The following CPED1 variants were observed in gnomAD, a reference collection of about 807,000 sequenced individuals.
CPED1 encodes the protein cadherin-like and PC-esterase domain-containing protein 1.
In CPED1, 114 loss-of-function variants were observed where a neutral mutation model predicts 128.2. The ratio of observed to expected loss-of-function variants is 0.89; its 90% CI spans 0.76 to 1.04. The LOEUF (loss-of-function observed/expected upper bound fraction) is 1.04, where lower values mean the gene tolerates loss of function less well. CPED1 is among the 50% of genes least tolerant of loss of function. The probability of loss-of-function intolerance (pLI) is 0.00; values close to 1 mark genes in which losing one functional copy is unlikely to be tolerated. For synonymous variants in CPED1, 462 were observed against 426.7 expected (o/e 1.08, Z -1.02); for missense variants, 1,211 against 1,207.1 (o/e 1.00, Z -0.05).
chr7:121,224,136 C>G (rs1473765575), intron 16 of CPED1, among the ~76,000 whole-genome samples: 1 of 152,128 alleles, frequency 6.6e-6, no homozygotes, highest in Non-Finnish European at 1.5e-5. Context: ...TTAAATGTGT[C>G]CCAGTGATTC....
chr7:121,208,033 C>T (rs980426244), intron 16 of CPED1, among the ~76,000 whole-genome samples: 1 of 152,006 alleles, frequency 6.6e-6, no homozygotes, highest in Non-Finnish European at 1.5e-5. Flanking sequence ...CACTTTCCTA[C>T]CTCTAGACTC....
intron 16 of CPED1, among the ~76,000 whole-genome samples, chr7:121,211,363 G>C (rs1410889902): frequency 6.6e-6 from 1 of 152,088 alleles, no homozygotes; most frequent in East Asian, 1.9e-4. Flanking sequence ...ATCCATTTTG[G>C]TTTTGACCTG....
At chr7:121,122,974 T>C (rs1465343594) in intron 7 of CPED1, among the ~76,000 whole-genome samples, 1 of 152,126 alleles carries the variant, frequency 6.6e-6, no homozygotes, top group Non-Finnish European at 1.5e-5. Context: ...AATGCAACAA[T>C]GTCACACACA....
intron 14 of CPED1, among the ~76,000 whole-genome samples, chr7:121,139,749 A>G (rs1795859747): frequency 6.6e-6 from 1 of 152,074 alleles, no homozygotes. Context: ...ACGTAAAAGC[A>G]GGGGAAAAAA....
At chr7:121,074,318 T>G (rs78064527) in intron 5 of CPED1, among the ~76,000 whole-genome samples, 1,753 of 152,190 alleles carry the variant, frequency 0.012, 32 homozygotes, top group African/African-American at 0.04. Flanking sequence ...TGTCCAGGCC[T>G]TGTTGTATAG....
In CPED1 at chr7:121,168,386, A is replaced by G. The variant is rs569113228; in HGVS notation, c.2055+26245A>G. On this transcript the variant is annotated intron_variant, in intron 16 of 22. Coordinates refer to ENST00000310396, the MANE Select transcript of CPED1 (RefSeq NM_024913.5). Reference sequence around the variant, plus strand: ...GAATCAAGACTTTGTATTCTCTTAAATATCACTTTTAACATATAATTTTAT... The same window carrying G: ...GAATCAAGACTTTGTATTCTCTTAAGTATCACTTTTAACATATAATTTTAT... 7.2e-4 allele frequency among the ~76,000 whole-genome samples: 110 copies of G among 152,366 alleles called. 1 individual carries two copies. Among genetic ancestry groups the G allele is most frequent in the African/African-American group, 2.5e-3 (103 of 41,586 alleles).
At chr7:121,247,951 G>A (rs1189754072) in intron 18 of CPED1, among the ~76,000 whole-genome samples, 1 of 152,200 alleles carries the variant, frequency 6.6e-6, no homozygotes, top group East Asian at 1.9e-4. Context: ...ACCCTGCCTG[G>A]CTTCTCTGCA....
Position 121,142,024 on chromosome 7 carries a change from T to C in CPED1, c.1938T>C (p.Val646=), listed in dbSNP as rs138199492. The change falls in exon 16 of 23, where the codon GTT becomes GTC. Residue 646 remains valine (V), a synonymous_variant. Coordinates refer to ENST00000310396, the MANE Select transcript of CPED1 (RefSeq NM_024913.5). The part of the protein sequence containing the change: ...GLGMNKISIF[V]VDESPAHGET... ...GAATGAACAAAATCTCAATATTTGT[T>C]GTGGATGAATCTCCAGCACACGGTG... is the stretch of plus-strand genomic sequence containing the variant. 31 of 1,612,662 alleles carry C rather than the reference T, an allele frequency of 1.9e-5. No individual in the cohort carries two copies. In the Admixed American group the frequency reaches 4.0e-4, roughly 21 times the overall value.
chr7:121,022,905 T>C (rs1483918105), intron 3 of CPED1, among the ~76,000 whole-genome samples: 4 of 152,036 alleles, frequency 2.6e-5, no homozygotes, highest in African/African-American at 9.7e-5. Flanking sequence ...TGATCCAGAA[T>C]TTTAATAACG....
At chr7:121,187,816 C>T (rs976850874) in intron 16 of CPED1, among the ~76,000 whole-genome samples, 2 of 152,112 alleles carry the variant, frequency 1.3e-5, no homozygotes, top group South Asian at 2.1e-4. Context: ...ATTGCCCACT[C>T]ACCCCATTTT....
intron 17 of CPED1, among the ~76,000 whole-genome samples, chr7:121,241,143 AC>A (rs1460866191): frequency 1.8e-5 from 1 of 56,304 alleles, no homozygotes; most frequent in Non-Finnish European, 4.2e-5. Flanking sequence ...GGAGATCGAG[AC>A]CATCCCGGCT....
At chr7:121,081,500 C>G (rs1048665682) in intron 5 of CPED1, among the ~76,000 whole-genome samples, 1 of 152,122 alleles carries the variant, frequency 6.6e-6, no homozygotes, top group Non-Finnish European at 1.5e-5. Flanking sequence ...TTTCTTTCCA[C>G]TTCTCCTAGC....
intron 14 of CPED1, 114 bp downstream of exon 14, chr7:121,136,204 A>G (rs1795780350): frequency 9.7e-7 from 1 of 1,029,776 alleles, no homozygotes; most frequent in Non-Finnish European, 1.4e-6. Context: ...GATAATTGTT[A>G]AAGTAAATTT....
rs528475378 is a variant in CPED1, at chr7:121,194,438, C to T, written c.2056-42276C>T. ...TTAAATATAATTTAATTAAAATGGACTGAAGTATAGATTTATTTTACCATT... is the reference window on the plus strand; with the variant it reads ...TTAAATATAATTTAATTAAAATGGATTGAAGTATAGATTTATTTTACCATT... On this transcript the variant is annotated intron_variant, in intron 16 of 22. Coordinates refer to ENST00000310396, the MANE Select transcript of CPED1 (RefSeq NM_024913.5). Among the ~76,000 whole-genome samples, 7 of 152,112 alleles carry T rather than the reference C, an allele frequency of 4.6e-5. No individual in the cohort carries two copies. The South Asian group carries it at 1.2e-3, about 27-fold the overall frequency.
chr7:120,997,927 A>AAAAATAAAAT lies in CPED1; in HGVS notation c.249+8102_249+8111dup, dbSNP rs139357762. ...ACAAGAGCAAAACTCGGTCTCGAAA[A>AAAAATAAAAT]AAAATAAAATAAAATAAAATAAAAT... On this transcript the variant is annotated intron_variant, in intron 2 of 22. Transcript: ENST00000310396. Among the ~76,000 whole-genome samples the AAAAATAAAAT allele has an allele frequency of 4.6e-3, 605 of 130,862 alleles. 2 individuals are homozygous for AAAAATAAAAT. Among genetic ancestry groups the AAAAATAAAAT allele is most frequent in the Middle Eastern group, 7.6e-3 (2 of 262 alleles). The allele number at this position is 130,862 out of a possible 152,430, so 85.9% of individuals were successfully genotyped here.
At chr7:121,230,292 TTGGAAAAC>T (rs987580505) in intron 16 of CPED1, among the ~76,000 whole-genome samples, 1 of 151,944 alleles carries the variant, frequency 6.6e-6, no homozygotes, top group African/African-American at 2.4e-5. Context: ...GAAGGGAAAC[TTGGAAAAC>T]TGAAATGTCT....
chr7:121,027,039 CTA>C (rs1282404253), intron 3 of CPED1, among the ~76,000 whole-genome samples: 2 of 149,750 alleles, frequency 1.3e-5, no homozygotes, highest in African/African-American at 4.9e-5. Context: ...GGGAATCTCA[CTA>C]TGTTACCCAG....
At chr7:121,257,377 T>C (rs533309981) in intron 18 of CPED1, among the ~76,000 whole-genome samples, 13 of 152,240 alleles carry the variant, frequency 8.5e-5, no homozygotes, top group African/African-American at 2.6e-4. Context: ...TTTTTAAATA[T>C]TTCTGTATGA....
At position 121,179,875 on chromosome 7, in the gene CPED1, A is replaced by G. The variant is rs534503993; in HGVS notation, c.2055+37734A>G. Among the ~76,000 whole-genome samples the G allele has an allele frequency of 2.0e-5, 3 of 152,210 alleles. No homozygotes were observed. In the East Asian group the frequency reaches 5.8e-4, roughly 29 times the overall value. Reference sequence around the variant, plus strand: ...TTTGTTAGTAACCATTTAATGTTTTAAATTATTCACAATTTATAATACCTT... The same window carrying G: ...TTTGTTAGTAACCATTTAATGTTTTGAATTATTCACAATTTATAATACCTT... On this transcript the variant is annotated intron_variant, in intron 16 of 22. Transcript: ENST00000310396.
Sources: allele counts gnomAD v4.1 joint callset (sites outside exome capture counted in the v4.1 genomes callset), GRCh38; gene constraint gnomAD v4.1.1; transcripts MANE v1.5; gene names NCBI Gene and HGNC (gene_info 2026-07-23, HGNC 2026-07-21).